FLNC: variants seen among roughly 807,000 people sequenced by gnomAD.
FLNC encodes filamin-C.
Under a neutral mutation model 254.3 loss-of-function variants are expected in FLNC, and 91 were observed. The ratio of observed to expected loss-of-function variants is 0.36; its 90% CI spans 0.30 to 0.43. The LOEUF (loss-of-function observed/expected upper bound fraction) is 0.43, where lower values mean the gene tolerates loss of function less well. Ranked by LOEUF, FLNC falls within the 20% of genes least tolerant of loss-of-function variation. FLNC has a pLI of 1.00. For synonymous variants in FLNC, 1,430 were observed against 1,577.2 expected (o/e 0.91, Z 2.21); for missense variants, 2,853 against 3,802.6 (o/e 0.75, Z 6.57).
At chr7:128,831,087 C>G in intron 1 of FLNC, 98 bp downstream of exon 1, 1 of 1,175,380 alleles carries the variant, frequency 8.5e-7, no homozygotes, top group Non-Finnish European at 1.2e-6. Flanking sequence ...AGCTGAGAGA[C>G]AGGGCGGAGG....
At chr7:128,849,276 A>C in intron 29 of FLNC, 55 bp from the exon 30 acceptor site, 8 of 1,614,038 alleles carry the variant, frequency 5.0e-6, no homozygotes, top group Non-Finnish European at 3.4e-6. Flanking sequence ...CAGCGGGAAC[A>C]GAGAGGGCTG....
In FLNC at chr7:128,852,815, C is replaced by T; in HGVS notation, c.6005-13C>T. 5.6e-6 allele frequency: 9 copies of T among 1,613,818 alleles called. No homozygotes were observed. The highest frequency in any genetic ancestry group is 7.6e-6 in the Non-Finnish European group (9 of 1,180,018). ...GCCCACAGGATGCTCTGCCTAACACCCACTTTCCACAGGGATCTCCTTCAC... is the reference window on the plus strand; with the variant it reads ...GCCCACAGGATGCTCTGCCTAACACTCACTTTCCACAGGGATCTCCTTCAC... On this transcript the variant is annotated splice_polypyrimidine_tract_variant and intron_variant, in intron 36 of 47. Coordinates refer to ENST00000325888, the MANE Select transcript of FLNC (RefSeq NM_001458.5).
Position 128,845,176 on chromosome 7 carries a change from A to C in FLNC, c.3711A>C (p.Lys1237Asn), listed in dbSNP as rs758220780. ...TIKYGGHPVP[K>N]FPTRVHVQPA... ...AGTATGGCGGGCATCCCGTGCCCAA[A>C]TTCCCCACCCGTGTCCATGTGCAGC... The change falls in exon 21 of 48, where the codon AAA (lysine) becomes AAC (asparagine). Residue 1237 changes from lysine to asparagine, a missense_variant. Lys to Asn is a moderately conservative substitution (Grantham distance 94). This residue lies in a region of FLNC where 1,573 missense variants were observed against 1,883.5 expected (regional missense o/e 0.84). Transcript: ENST00000325888. 44 of 1,613,784 alleles carry C rather than the reference A, an allele frequency of 2.7e-5. 1 individual carries two copies. The South Asian group carries it at 4.6e-4, about 17-fold the overall frequency.
At position 128,857,975 on chromosome 7, in the gene FLNC, A is replaced by G. The variant is rs1398831632; in HGVS notation, c.7781-33A>G. On this transcript the variant is annotated intron_variant, in intron 46 of 47. Coordinates refer to ENST00000325888, the MANE Select transcript of FLNC (RefSeq NM_001458.5). This position sits in a 1 kb window ranked among gnomAD's most constrained non-coding sequence, Gnocchi z 4.5. ...TGGGGAAGAACAGGAAGCCCTTCTG[A>G]CTAGGTTTGTGCCCCCTCCACCCAC... The G allele has an allele frequency of 2.1e-6, 3 of 1,410,086 alleles. No individual in the cohort carries two copies. The highest frequency in any genetic ancestry group is 1.2e-5 in the South Asian group (1 of 82,076). The allele number at this position is 1,410,086 out of a possible 1,614,324, so 87.3% of individuals were successfully genotyped here. A position where few individuals can be genotyped will look rare whatever the true frequency, so the allele number is the denominator to read the frequency against.
In FLNC at chr7:128,842,546, A is replaced by C. The variant is rs1464629032; in HGVS notation, c.2266-29A>C. On this transcript the variant is annotated intron_variant, in intron 14 of 47. Transcript: ENST00000325888. This position sits in a 1 kb window ranked among gnomAD's most constrained non-coding sequence, Gnocchi z 5.4. ...AGGAGGATGAGCCTTGAGGGAGGGCACCACGCTGAGCTGCGACCCCTCCCG... is the reference window on the plus strand; with the variant it reads ...AGGAGGATGAGCCTTGAGGGAGGGCCCCACGCTGAGCTGCGACCCCTCCCG... 7.1e-6 allele frequency: 11 copies of C among 1,548,430 alleles called. No homozygotes were observed. In the East Asian group the frequency reaches 2.7e-4, roughly 38 times the overall value.
At chr7:128,839,133 C>T (rs534055854) in intron 8 of FLNC, among the ~76,000 whole-genome samples, 4 of 152,202 alleles carry the variant, frequency 2.6e-5, no homozygotes, top group Non-Finnish European at 4.4e-5. Context: ...TCCACCAGGC[C>T]GAGAGTGATG....
rs931678640 is a variant in FLNC, at chr7:128,857,235, T to C, written c.7679T>C (p.Val2560Ala). The stretch of plus-strand genomic sequence containing the variant: ...TGTCGGGAGTGTCCTGAGGGCCATG[T>C]GGTCACTTATACTCCCATGGCCCCT... ...LDCRECPEGH[V>A]VTYTPMAPGN... Residue 2560 changes from valine to alanine, a missense_variant, in exon 46 of 48, where the codon GTG (valine) becomes GCG (alanine). Physicochemically the swap from Val to Ala is moderately conservative, Grantham distance 64 (BLOSUM62 0). Coordinates refer to ENST00000325888, the MANE Select transcript of FLNC (RefSeq NM_001458.5). This position sits in a 1 kb window ranked among gnomAD's most constrained non-coding sequence, Gnocchi z 4.5. 1.2e-6 allele frequency: 2 copies of C among 1,613,992 alleles called. No homozygotes were observed. The highest frequency in any genetic ancestry group is 1.7e-6 in the Non-Finnish European group (2 of 1,179,866).
intron 37 of FLNC, 72 bp downstream of exon 37, chr7:128,853,103 C>A: frequency 7.0e-7 from 1 of 1,429,046 alleles, no homozygotes; most frequent in East Asian, 2.3e-5. Context: ...TCCTGCCCAG[C>A]ACCCCCTTGG....
rs1484724531 is a variant in FLNC, at chr7:128,855,053, T to C, written c.7135+141T>C. ...CTGCTCTTCCTCTGCCCCGTCTCCCTCTACCCCACACCCTCAGAAACATGT... is the reference window on the plus strand; with the variant it reads ...CTGCTCTTCCTCTGCCCCGTCTCCCCCTACCCCACACCCTCAGAAACATGT... On this transcript the variant is annotated intron_variant, in intron 42 of 47. Transcript: ENST00000325888. 3.6e-5 allele frequency: 39 copies of C among 1,068,738 alleles called. No individual in the cohort carries two copies. The Admixed American group carries it at 6.7e-4, about 18-fold the overall frequency. 66.2% of individuals were successfully genotyped at this position (1,068,738 alleles called of 1,614,324 possible).
chr7:128,831,827 C>G (rs900462620), intron 1 of FLNC, among the ~76,000 whole-genome samples: 42 of 151,754 alleles, frequency 2.8e-4, no homozygotes, highest in Admixed American at 7.9e-4. Context: ...GGGAGGCACT[C>G]TAGTCTTGGG....
chr7:128,845,749 G>A (rs1808534268), intron 21 of FLNC, among the ~76,000 whole-genome samples: 1 of 151,790 alleles, frequency 6.6e-6, no homozygotes, highest in South Asian at 2.1e-4. Flanking sequence ...ACATGGAGAA[G>A]GGAGTGAAGG....
intron 43 of FLNC, 120 bp downstream of exon 43, chr7:128,855,434 C>A: frequency 1.4e-6 from 1 of 734,606 alleles, no homozygotes; most frequent in Non-Finnish European, 2.4e-6. Flanking sequence ...AGTTAGGAGT[C>A]CCTTCTCATA....
chr7:128,839,656 G>A (rs1808247506), intron 8 of FLNC, among the ~76,000 whole-genome samples: 1 of 152,250 alleles, frequency 6.6e-6, no homozygotes, highest in Non-Finnish European at 1.5e-5. Context: ...TGGATGTTTT[G>A]TGGCATGACT....
At chr7:128,850,597 C>T in intron 32 of FLNC, 114 bp downstream of exon 32, 1 of 1,198,366 alleles carries the variant, frequency 8.3e-7, no homozygotes, top group Non-Finnish European at 1.2e-6. Flanking sequence ...TGAGCTCTAC[C>T]CAGGGTCACA....
In FLNC at chr7:128,836,705, T is replaced by G. The variant is rs1808105875; in HGVS notation, c.602-455T>G. ...TACCCTAAGACTGGTGTGGAAAGCG[T>G]TTGGAGTTCTAGAGCTTCGGGGCAG... On this transcript the variant is annotated intron_variant, in intron 2 of 47. Transcript: ENST00000325888. The surrounding 1 kb of genome is among the most constrained non-coding windows in gnomAD (Gnocchi z 6.0). Among the ~76,000 whole-genome samples the G allele has an allele frequency of 6.6e-6, 1 of 151,934 alleles. No homozygotes were observed. Among genetic ancestry groups the G allele is most frequent in the South Asian group, 2.1e-4 (1 of 4,806 alleles).
Position 128,842,996 on chromosome 7 carries a change from A to T in FLNC, c.2550+42A>T. The T allele has an allele frequency of 6.2e-7, 1 of 1,606,106 alleles. No individual in the cohort carries two copies. Among genetic ancestry groups the T allele is most frequent in the South Asian group, 1.1e-5 (1 of 90,790 alleles). On this transcript the variant is annotated intron_variant, in intron 16 of 47. Transcript: ENST00000325888. The surrounding 1 kb of genome is among the most constrained non-coding windows in gnomAD (Gnocchi z 5.4). Reference sequence around the variant, plus strand: ...GTACTCACAGCGACATGCACCTGCCAGCTCCAGAAGGCAGCTGGAGATGCT... The same window carrying T: ...GTACTCACAGCGACATGCACCTGCCTGCTCCAGAAGGCAGCTGGAGATGCT...
chr7:128,833,853 A>C (rs562257744), intron 1 of FLNC, among the ~76,000 whole-genome samples: 9 of 145,920 alleles, frequency 6.2e-5, no homozygotes, highest in Non-Finnish European at 7.6e-5. Context: ...ATTGTGCTGC[A>C]GTGGAGCCAG....
At chr7:128,847,646 G>T (rs1808615893) in intron 24 of FLNC, 51 bp from the exon 25 acceptor site, 1 of 1,609,362 alleles carries the variant, frequency 6.2e-7, no homozygotes, top group African/African-American at 1.3e-5. Context: ...CTCAGCATCA[G>T]GGGGACCCAT....
At chr7:128,846,602 C>T in intron 23 of FLNC, 139 bp downstream of exon 23, 2 of 1,362,282 alleles carry the variant, frequency 1.5e-6, no homozygotes, top group Non-Finnish European at 2.0e-6. Context: ...CCCTCCAGGA[C>T]CCCAGATTGG....
Sources: gnomAD v4.1 joint callset for allele counts (sites outside exome capture counted in the v4.1 genomes callset) on GRCh38, gnomAD v4.1.1 for gene constraint, gnomAD v4.1.1 regional missense constraint, Gnocchi (gnomAD v3.1) non-coding constraint, MANE v1.5 for transcripts, NCBI Gene and HGNC (gene_info 2026-07-23, HGNC 2026-07-21) for gene names.